The following DOCK10 variants were observed in gnomAD, a reference collection of about 807,000 sequenced individuals.
DOCK10 encodes the protein dedicator of cytokinesis protein 10.
DOCK10 carries 145 observed loss-of-function variants against 280.1 expected under a neutral mutation model. The ratio of observed to expected loss-of-function variants is 0.52; its 90% CI spans 0.45 to 0.59. DOCK10 has a LOEUF of 0.59. DOCK10 is among the 20% of genes least tolerant of loss of function. DOCK10 has a pLI of 0.00. For synonymous variants in DOCK10, 915 were observed against 942.2 expected, an observed-to-expected ratio of 0.97 and a Z score of 0.53; for missense variants, 2,368 against 2,651.7, an observed-to-expected ratio of 0.89 and a Z score of 2.35.
chr2:224,897,669 T>C (rs1700063608), intron 3 of DOCK10, among the ~76,000 whole-genome samples: 1 of 152,250 alleles, frequency 6.6e-6, no homozygotes, highest in South Asian at 2.1e-4. Flanking sequence ...TGTGCCTGGC[T>C]TATTTCACTT....
chr2:224,934,204 A>G (rs182768906), intron 1 of DOCK10, among the ~76,000 whole-genome samples: 172 of 152,340 alleles, frequency 1.1e-3, no homozygotes, highest in African/African-American at 3.9e-3. Context: ...ATCTAAAGGC[A>G]TAATTTTAGG....
intron 11 of DOCK10, among the ~76,000 whole-genome samples, chr2:224,871,147 T>A (rs1698257355): frequency 6.6e-6 from 1 of 152,134 alleles, no homozygotes; most frequent in Non-Finnish European, 1.5e-5. Flanking sequence ...CATTTGAATC[T>A]GTCCCTAAGA....
chr2:224,913,021 C>A (rs1199471225), intron 3 of DOCK10, among the ~76,000 whole-genome samples: 1 of 151,594 alleles, frequency 6.6e-6, no homozygotes, highest in Non-Finnish European at 1.5e-5. Flanking sequence ...GGAAAGACTC[C>A]ATCTCCAAAA....
intron 1 of DOCK10, among the ~76,000 whole-genome samples, chr2:225,036,563 G>A (rs954063762): frequency 2.6e-5 from 4 of 152,088 alleles, no homozygotes; most frequent in Non-Finnish European, 5.9e-5. Context: ...GTGAGCCCTT[G>A]GATTCTGTAT....
Position 224,774,932 on chromosome 2 carries a change from G to A in DOCK10, c.5986C>T (p.Gln1996Ter). The change falls in exon 52 of 56, where the codon CAG becomes TAG. Residue 1996 changes from glutamine to a stop codon, truncating the protein, a stop_gained. Coordinates refer to ENST00000258390, the MANE Select transcript of DOCK10 (RefSeq NM_014689.3). LOFTEE classifies it high-confidence loss of function. Reference sequence around the variant, plus strand: ...GTCAGGATCGTCCGCCGCTTGCACTGCTCCGCCACCCCACCGTGCTTCTTG... The same window carrying A: ...GTCAGGATCGTCCGCCGCTTGCACTACTCCGCCACCCCACCGTGCTTCTTG... ...SGKKHGGVAEQCKRRTILTTS... is the reference protein window; with the variant it reads ...SGKKHGGVAE 6.2e-7 allele frequency: 1 copy of A among 1,604,186 alleles called. No homozygotes were observed. Among genetic ancestry groups the A allele is most frequent in the Non-Finnish European group, 8.5e-7 (1 of 1,175,022 alleles).
At chr2:224,966,569 C>T (rs1704755209) in intron 1 of DOCK10, among the ~76,000 whole-genome samples, 2 of 152,114 alleles carry the variant, frequency 1.3e-5, no homozygotes, top group African/African-American at 4.8e-5. Flanking sequence ...GTCTTTATTT[C>T]CTCCTTCTGG....
chr2:225,004,459 G>C (rs1248336658), intron 1 of DOCK10, among the ~76,000 whole-genome samples: 1 of 152,204 alleles, frequency 6.6e-6, no homozygotes, highest in Non-Finnish European at 1.5e-5. Context: ...TGGCCTGTAA[G>C]AATAAATATC....
intron 1 of DOCK10, among the ~76,000 whole-genome samples, chr2:224,971,547 T>C (rs949488042): frequency 1.3e-5 from 2 of 152,166 alleles, no homozygotes; most frequent in Non-Finnish European, 2.9e-5. Context: ...CTACACCTCA[T>C]AGTTCAATGC....
chr2:225,015,999 C>G (rs1312427374), intron 1 of DOCK10, among the ~76,000 whole-genome samples: 1 of 152,142 alleles, frequency 6.6e-6, no homozygotes, highest in Non-Finnish European at 1.5e-5. Context: ...GCTTCAGTTT[C>G]CCCCATCACA....
At position 224,891,170 on chromosome 2, in the gene DOCK10, T is replaced by C. The variant is rs889960165; in HGVS notation, c.417-4639A>G. On this transcript the variant is annotated intron_variant, in intron 4 of 55. Coordinates refer to ENST00000258390, the MANE Select transcript of DOCK10 (RefSeq NM_014689.3). Reference sequence around the variant, plus strand: ...AACATGAAAGACACATTCTAGGTGATGGGAATAGTGGGATTCATTGTACAC... The same window carrying C: ...AACATGAAAGACACATTCTAGGTGACGGGAATAGTGGGATTCATTGTACAC... Among the ~76,000 whole-genome samples the C allele has an allele frequency of 3.3e-5, 5 of 152,334 alleles. No individual in the cohort carries two copies. In the South Asian group the frequency reaches 8.3e-4, roughly 25 times the overall value.
intron 1 of DOCK10, among the ~76,000 whole-genome samples, chr2:224,940,914 C>T (rs1435015222): frequency 3.3e-5 from 5 of 152,104 alleles, no homozygotes; most frequent in African/African-American, 1.2e-4. Context: ...CACCTTTCTT[C>T]CTCCCCCCAT....
intron 4 of DOCK10, among the ~76,000 whole-genome samples, chr2:224,890,277 C>T (rs749767598): frequency 6.6e-6 from 1 of 152,108 alleles, no homozygotes; most frequent in Non-Finnish European, 1.5e-5. Flanking sequence ...GGCCAGGCGT[C>T]GCATTAATGT....
At chr2:225,008,278 C>G (rs896167688) in intron 1 of DOCK10, among the ~76,000 whole-genome samples, 3 of 152,162 alleles carry the variant, frequency 2.0e-5, no homozygotes, top group African/African-American at 7.2e-5. Context: ...GGACTACAGG[C>G]ATGGGTCACT....
intron 1 of DOCK10, among the ~76,000 whole-genome samples, chr2:224,969,662 G>A (rs1704973496): frequency 6.6e-6 from 1 of 152,162 alleles, no homozygotes; most frequent in African/African-American, 2.4e-5. Flanking sequence ...GGAAGAAATA[G>A]ATGCATGTAA....
At chr2:224,931,816 G>A in intron 1 of DOCK10, 148 bp from the exon 2 acceptor site, 1 of 810,536 alleles carries the variant, frequency 1.2e-6, no homozygotes, top group East Asian at 2.9e-5. Context: ...GGAATTTAGG[G>A]CAAAGCCACA....
intron 3 of DOCK10, among the ~76,000 whole-genome samples, chr2:224,901,320 G>A (rs1019363582): frequency 1.8e-4 from 28 of 152,054 alleles, no homozygotes; most frequent in African/African-American, 6.5e-4. Flanking sequence ...CCCAGCCCAC[G>A]GCACCTGTTT....
intron 14 of DOCK10, among the ~76,000 whole-genome samples, chr2:224,858,758 C>G (rs918381529): frequency 7.2e-5 from 11 of 152,182 alleles, no homozygotes; most frequent in African/African-American, 2.4e-4. Context: ...CCAACTGCTA[C>G]AGTTGAGCAA....
In DOCK10 at chr2:225,039,487, C is replaced by T. The variant is rs115481974; in HGVS notation, c.123+2765G>A. Reference sequence around the variant, plus strand: ...GGGAGGGGTGAAGAATAAGGTGGTTCGTGTCTAGGAGTCTGCAAGTACATA... The same window carrying T: ...GGGAGGGGTGAAGAATAAGGTGGTTTGTGTCTAGGAGTCTGCAAGTACATA... On this transcript the variant is annotated intron_variant, in intron 1 of 55. Coordinates refer to ENST00000258390, the MANE Select transcript of DOCK10 (RefSeq NM_014689.3). Among the ~76,000 whole-genome samples, 293 of 152,080 alleles carry T rather than the reference C, an allele frequency of 1.9e-3. 1 individual carries two copies. Among genetic ancestry groups the T allele is most frequent in the African/African-American group, 6.8e-3 (283 of 41,522 alleles).
At chr2:225,032,128 A>T (rs1331981171) in intron 1 of DOCK10, among the ~76,000 whole-genome samples, 2 of 151,984 alleles carry the variant, frequency 1.3e-5, no homozygotes, top group Non-Finnish European at 2.9e-5. Context: ...CTCTATGAAA[A>T]CCCCTTTAAA....
Sources: gnomAD v4.1 joint callset for allele counts (sites outside exome capture counted in the v4.1 genomes callset) on GRCh38, gnomAD v4.1.1 for gene constraint, MANE v1.5 for transcripts, NCBI Gene and HGNC (gene_info 2026-07-23, HGNC 2026-07-21) for gene names.